CMSS1: variants seen among roughly 807,000 people sequenced by gnomAD.
CMSS1 encodes cms1 ribosomal small subunit homolog, also known as protein CMSS1.
A neutral mutation model predicts 43.5 loss-of-function variants in CMSS1; 33 were observed. The observed-to-expected ratio is 0.76, with a 90% CI of 0.57 to 1.01. The LOEUF (loss-of-function observed/expected upper bound fraction) is 1.01. Among genes scored for constraint, CMSS1 ranks in the 50% least tolerant of loss-of-function variants. The probability of loss-of-function intolerance (pLI) is 0.00; values close to 1 mark genes in which losing one functional copy is unlikely to be tolerated. For synonymous variants in CMSS1, 115 were observed against 117.2 expected, an observed-to-expected ratio of 0.98 and a Z score of 0.12; for missense variants, 313 against 326.4, an observed-to-expected ratio of 0.96 and a Z score of 0.32.
At chr3:100,074,176 A>G (rs990392435) in intron 1 of CMSS1, among the ~76,000 whole-genome samples, 1 of 152,128 alleles carries the variant, frequency 6.6e-6, no homozygotes, top group Non-Finnish European at 1.5e-5. Context: ...AAGAATCCCA[A>G]GCTGTTTATC....
intron 1 of CMSS1, among the ~76,000 whole-genome samples, chr3:99,832,591 C>A (rs1942716532): frequency 6.9e-6 from 1 of 144,566 alleles, no homozygotes; most frequent in African/African-American, 2.5e-5. Flanking sequence ...ACCTGTAATC[C>A]CAGCACTTTG....
At chr3:99,869,647 C>G (rs902420609) in intron 1 of CMSS1, among the ~76,000 whole-genome samples, 2 of 152,168 alleles carry the variant, frequency 1.3e-5, no homozygotes, top group Admixed American at 6.5e-5. Flanking sequence ...GCTCCTGGAC[C>G]AGGCAACTCC....
At chr3:100,133,317 T>C (rs1422818581) in intron 1 of CMSS1, among the ~76,000 whole-genome samples, 1 of 152,174 alleles carries the variant, frequency 6.6e-6, no homozygotes, top group Non-Finnish European at 1.5e-5. Flanking sequence ...TGATACATAA[T>C]TCCAGACATG....
chr3:99,942,725 A>G (rs1158359854), intron 1 of CMSS1, among the ~76,000 whole-genome samples: 2 of 151,990 alleles, frequency 1.3e-5, no homozygotes, highest in Non-Finnish European at 2.9e-5. Context: ...GCTACTCTGG[A>G]GGCTGAGGCA....
At chr3:99,867,774 A>G (rs1944593198) in intron 1 of CMSS1, among the ~76,000 whole-genome samples, 1 of 152,172 alleles carries the variant, frequency 6.6e-6, no homozygotes, top group South Asian at 2.1e-4. Context: ...TCACATGTCA[A>G]GAGATTTTAT....
At chr3:99,853,285 A>G (rs1000136078) in intron 1 of CMSS1, among the ~76,000 whole-genome samples, 1 of 152,196 alleles carries the variant, frequency 6.6e-6, no homozygotes, top group African/African-American at 2.4e-5. Flanking sequence ...CTTGAGCATA[A>G]TTACAGTGAA....
At chr3:100,171,094 C>T (rs1474064674) in intron 6 of CMSS1, among the ~76,000 whole-genome samples, 2 of 152,170 alleles carry the variant, frequency 1.3e-5, no homozygotes, top group Non-Finnish European at 2.9e-5. Context: ...CCTCAGTCTT[C>T]ACCCCTGCTT....
rs1382689594 is a variant in CMSS1, at chr3:100,112,376, A to G, written c.65-34597A>G. 2.6e-5 allele frequency among the ~76,000 whole-genome samples: 4 copies of G among 152,182 alleles called. No homozygotes were observed. In the South Asian group the frequency reaches 6.2e-4, roughly 24 times the overall value. ...TCCTTGGACCTGCCTGACTCTCGGC[A>G]AGTTGCAATGGCAGTCTCCTACAAT... is the stretch of plus-strand genomic sequence containing the variant. On this transcript the variant is annotated intron_variant, in intron 1 of 9. Transcript: ENST00000421999.
intron 1 of CMSS1, among the ~76,000 whole-genome samples, chr3:100,054,488 T>TTTTGTTATG (rs2065427720): frequency 7.0e-6 from 1 of 142,588 alleles, no homozygotes; most frequent in Admixed American, 7.2e-5. Context: ...TTATGTTATG[T>TTTTGTTATG]TTTGTTATGT....
At chr3:100,048,951 A>G (rs938983075) in intron 1 of CMSS1, among the ~76,000 whole-genome samples, 5 of 152,226 alleles carry the variant, frequency 3.3e-5, no homozygotes, top group Non-Finnish European at 5.9e-5. Context: ...CATGGAATTA[A>G]AGTTACCACA....
chr3:99,858,409 G>A (rs759657403), intron 1 of CMSS1, among the ~76,000 whole-genome samples: 1 of 152,070 alleles, frequency 6.6e-6, no homozygotes, highest in Non-Finnish European at 1.5e-5. Context: ...AGGTTGCAAT[G>A]AGCTGAGATC....
At chr3:99,945,551 A>G (rs1707984421) in intron 1 of CMSS1, among the ~76,000 whole-genome samples, 1 of 152,220 alleles carries the variant, frequency 6.6e-6, no homozygotes, top group Non-Finnish European at 1.5e-5. Flanking sequence ...GAGGGAAACA[A>G]AGAATCATTA....
At chr3:100,045,105 C>T (rs191101077) in intron 1 of CMSS1, among the ~76,000 whole-genome samples, 49 of 152,278 alleles carry the variant, frequency 3.2e-4, no homozygotes, top group African/African-American at 1.2e-3. Context: ...ACAGATCTGG[C>T]GCTCACAAGA....
intron 1 of CMSS1, among the ~76,000 whole-genome samples, chr3:100,102,657 G>A (rs1324824779): frequency 1.3e-5 from 2 of 152,020 alleles, no homozygotes; most frequent in South Asian, 2.1e-4. Context: ...TGTGTCCTCC[G>A]CCATGCTTTG....
chr3:99,955,165 A>G (rs1708285572), intron 1 of CMSS1, among the ~76,000 whole-genome samples: 1 of 152,144 alleles, frequency 6.6e-6, no homozygotes, highest in African/African-American at 2.4e-5. Context: ...CATTCTAGCA[A>G]TGGGGTGCTG....
At chr3:100,053,756 C>T (rs569341179) in intron 1 of CMSS1, among the ~76,000 whole-genome samples, 1 of 152,302 alleles carries the variant, frequency 6.6e-6, no homozygotes, top group Non-Finnish European at 1.5e-5. Flanking sequence ...ATCTTTCTTA[C>T]CTGGAAATCT....
At chr3:100,167,955 C>A in intron 6 of CMSS1, 115 bp downstream of exon 6, 1 of 601,704 alleles carries the variant, frequency 1.7e-6, no homozygotes, top group East Asian at 2.8e-5. Context: ...AGTCCCTGCC[C>A]TCATGGAATT....
intron 1 of CMSS1, among the ~76,000 whole-genome samples, chr3:99,841,204 CACTT>C (rs1421125994): frequency 6.6e-5 from 10 of 152,226 alleles, no homozygotes; most frequent in Admixed American, 6.5e-4. Flanking sequence ...CGTTTCCACT[CACTT>C]GATTGACAGA....
In CMSS1 at chr3:99,852,923, T is replaced by C. The variant is rs150788039; in HGVS notation, c.64+34880T>C. On this transcript the variant is annotated intron_variant, in intron 1 of 9. Transcript: ENST00000421999. ...TTTTTGTGGGAGTCCACTTTTAGTT[T>C]TTTCTGTTTTGAGAACTTAACAGGA... 7.3e-3 allele frequency among the ~76,000 whole-genome samples: 1,105 copies of C among 152,290 alleles called. 19 individuals carry two copies. The highest frequency in any genetic ancestry group is 0.025 in the African/African-American group (1,018 of 41,542).
Sources: allele counts gnomAD v4.1 joint callset (sites outside exome capture counted in the v4.1 genomes callset), GRCh38; gene constraint gnomAD v4.1.1; transcripts MANE v1.5; gene names NCBI Gene and HGNC (gene_info 2026-07-23, HGNC 2026-07-21).